Variants in CFAP54 observed in about 807,000 individuals in gnomAD.
CFAP54 encodes cilia- and flagella-associated protein 54.
CFAP54 carries 290 observed loss-of-function variants against 370.4 expected under a neutral mutation model. The ratio of observed to expected loss-of-function variants is 0.78; its 90% CI spans 0.71 to 0.86. The LOEUF (loss-of-function observed/expected upper bound fraction) is 0.86. Among genes scored for constraint, CFAP54 ranks in the 40% least tolerant of loss-of-function variants. CFAP54 has a pLI of 0.00. For missense variants in CFAP54, 3,399 were observed against 3,528.7 expected (o/e 0.96, Z 0.93); for synonymous variants, 1,206 against 1,236.5 (o/e 0.98, Z 0.52).
At chr12:96,742,712 T>C in intron 52 of CFAP54, 126 bp downstream of exon 52, 1 of 964,650 alleles carries the variant, frequency 1.0e-6, no homozygotes, top group Non-Finnish European at 1.5e-6. Flanking sequence ...GCTTATAGAA[T>C]TAAAAATTCA....
chr12:96,621,871 G>GTT lies in CFAP54; in HGVS notation c.3771+152_3771+153dup, dbSNP rs1290967830. On this transcript the variant is annotated intron_variant, in intron 27 of 67. Coordinates refer to ENST00000524981, the MANE Select transcript of CFAP54 (RefSeq NM_001306084.2). ...AAGTATTATAGTAAAGAGCTTTTGG[G>GTT]TTTGTTTTTTTTTTTTTTTTTTTTT... 4.5e-3 allele frequency: 233 copies of GTT among 51,376 alleles called. 1 individual carries two copies. Among genetic ancestry groups the GTT allele is most frequent in the Non-Finnish European group, 5.7e-3 (163 of 28,590 alleles). The allele number at this position is 51,376 out of a possible 1,614,324, so 3.2% of individuals were successfully genotyped here.
At chr12:96,702,350 A>G (rs1420668009) in intron 46 of CFAP54, among the ~76,000 whole-genome samples, 1 of 152,144 alleles carries the variant, frequency 6.6e-6, no homozygotes, top group African/African-American at 2.4e-5. Flanking sequence ...TTGCAGGGAC[A>G]CATTTGGGAA....
intron 19 of CFAP54, among the ~76,000 whole-genome samples, chr12:96,570,434 T>C (rs1023458628): frequency 8.5e-5 from 13 of 152,142 alleles, no homozygotes; most frequent in Non-Finnish European, 1.6e-4. Flanking sequence ...ATCTACATTT[T>C]GGATTTTTTT....
At chr12:96,853,351 A>G (rs903217966) in intron 66 of CFAP54, among the ~76,000 whole-genome samples, 1 of 152,156 alleles carries the variant, frequency 6.6e-6, no homozygotes, top group Non-Finnish European at 1.5e-5. Context: ...GTAAAAACAA[A>G]TACATATATA....
At chr12:96,825,576 ATAAT>A (rs1202742131) in intron 65 of CFAP54, among the ~76,000 whole-genome samples, 5 of 117,534 alleles carry the variant, frequency 4.3e-5, no homozygotes, top group East Asian at 4.8e-4. Context: ...TTTACCTATA[ATAAT>A]TATATATACA....
intron 63 of CFAP54, among the ~76,000 whole-genome samples, chr12:96,797,863 G>T (rs1177917418): frequency 6.6e-6 from 1 of 151,766 alleles, no homozygotes; most frequent in Non-Finnish European, 1.5e-5. Flanking sequence ...AATATATTTG[G>T]TTTAAATCTA....
intron 51 of CFAP54, among the ~76,000 whole-genome samples, chr12:96,740,277 G>A (rs555626977): frequency 6.6e-6 from 1 of 152,254 alleles, no homozygotes; most frequent in South Asian, 2.1e-4. Flanking sequence ...TCTCATTTGT[G>A]AACTAATGGA....
chr12:96,803,304 G>C lies in CFAP54; in HGVS notation c.8851-8432G>C, dbSNP rs954399850. ...TTTACACTGCACGAACAGTGTAAAA[G>C]TGTTTCTATTTCTCCACAGCCTCTG... On this transcript the variant is annotated intron_variant, in intron 63 of 67. Coordinates refer to ENST00000524981, the MANE Select transcript of CFAP54 (RefSeq NM_001306084.2). Among the ~76,000 whole-genome samples the C allele has an allele frequency of 5.9e-5, 9 of 152,240 alleles. No individual in the cohort carries two copies. The South Asian group carries it at 1.9e-3, about 32-fold the overall frequency.
chr12:96,529,074 T>C (rs1955413293), intron 9 of CFAP54, among the ~76,000 whole-genome samples: 2 of 152,332 alleles, frequency 1.3e-5, no homozygotes, highest in Admixed American at 6.5e-5. Context: ...AATTATCTTT[T>C]GGTTACTGAT....
At chr12:96,629,499 G>C (rs145135937) in intron 30 of CFAP54, among the ~76,000 whole-genome samples, 1,639 of 150,300 alleles carry the variant, frequency 0.011, 26 homozygotes, top group African/African-American at 0.038. Context: ...ATTTTTAGTA[G>C]AGACAGGGTT....
In CFAP54 at chr12:96,549,361, G is replaced by A. The variant is rs560159468; in HGVS notation, c.2154+1383G>A. 2.0e-5 allele frequency among the ~76,000 whole-genome samples: 3 copies of A among 152,208 alleles called. No individual in the cohort carries two copies. In the East Asian group the frequency reaches 5.8e-4, roughly 29 times the overall value. On this transcript the variant is annotated intron_variant, in intron 15 of 67. Transcript: ENST00000524981. Reference sequence around the variant, plus strand: ...AAGGTGGCAATTTTCCCACAACAAAGAAACGAGACCATTTATGAACTGTTA... The same window carrying A: ...AAGGTGGCAATTTTCCCACAACAAAAAAACGAGACCATTTATGAACTGTTA...
intron 58 of CFAP54, among the ~76,000 whole-genome samples, chr12:96,758,471 A>G (rs758107059): frequency 6.6e-6 from 1 of 152,138 alleles, no homozygotes; most frequent in Non-Finnish European, 1.5e-5. Flanking sequence ...TGAGAACAGT[A>G]TGGGAGAAAC....
At chr12:96,763,924 C>T (rs1958366777) in intron 58 of CFAP54, among the ~76,000 whole-genome samples, 1 of 152,060 alleles carries the variant, frequency 6.6e-6, no homozygotes, top group Non-Finnish European at 1.5e-5. Flanking sequence ...CTTTTATGTA[C>T]AGGGAATGTA....
At chr12:96,778,092 G>T (rs527248484) in intron 60 of CFAP54, among the ~76,000 whole-genome samples, 98 of 152,286 alleles carry the variant, frequency 6.4e-4, no homozygotes, top group African/African-American at 2.3e-3. Flanking sequence ...GTATAATTCT[G>T]CAGATGAGTT....
chr12:96,777,351 T>C (rs1296421113), intron 60 of CFAP54, among the ~76,000 whole-genome samples: 1 of 144,802 alleles, frequency 6.9e-6, no homozygotes. Flanking sequence ...AGGATATTCT[T>C]TTTTTTTTTT....
Position 96,875,309 on chromosome 12 carries a change from A to G in CFAP54, c.*206A>G, listed in dbSNP as rs1287148408. On this transcript the variant is annotated 3_prime_UTR_variant, in exon 68 of 68. Transcript: ENST00000524981. ...CTTATGATATATACAAATACTCTAG[A>G]TATTGCTTTGAGATTTCGCTGTTGA... is the stretch of plus-strand genomic sequence containing the variant. The G allele has an allele frequency of 6.6e-6, 1 of 152,128 alleles. No homozygotes were observed. The highest frequency in any genetic ancestry group is 2.4e-5 in the African/African-American group (1 of 41,428). The allele number at this position is 152,128 out of a possible 1,614,324, so 9.4% of individuals were successfully genotyped here.
chr12:96,577,574 G>A (rs1380309743), intron 20 of CFAP54, among the ~76,000 whole-genome samples: 4 of 151,976 alleles, frequency 2.6e-5, no homozygotes, highest in South Asian at 2.1e-4. Flanking sequence ...ACAGATTTAG[G>A]TTTATAATTC....
chr12:96,693,570 T>G (rs1957410957), intron 44 of CFAP54, 152 bp from the exon 45 acceptor site: 1 of 516,508 alleles, frequency 1.9e-6, no homozygotes, highest in Non-Finnish European at 3.4e-6. Context: ...CTAGATAGAT[T>G]ATTTCACTTA....
At chr12:96,493,350 T>G (rs547944312) in intron 1 of CFAP54, among the ~76,000 whole-genome samples, 1 of 152,286 alleles carries the variant, frequency 6.6e-6, no homozygotes, top group Admixed American at 6.5e-5. Flanking sequence ...AAACAACAAA[T>G]GCTATGAAAG....
Sources: allele counts gnomAD v4.1 joint callset (sites outside exome capture counted in the v4.1 genomes callset), GRCh38; gene constraint gnomAD v4.1.1; transcripts MANE v1.5; gene names NCBI Gene and HGNC (gene_info 2026-07-23, HGNC 2026-07-21).